The following CAMTA1 variants were observed in gnomAD, a reference collection of about 807,000 sequenced individuals.
CAMTA1 encodes calmodulin binding transcription activator 1.
A neutral mutation model predicts 170.9 loss-of-function variants in CAMTA1; 27 were observed. The observed-to-expected ratio is 0.16, with a 90% confidence interval of 0.12 to 0.22. The LOEUF is 0.22. Ranked by LOEUF, CAMTA1 falls within the 10% of genes least tolerant of loss-of-function variation. CAMTA1 has a pLI of 1.00. For synonymous variants in CAMTA1, 833 were observed against 891.5 expected, an observed-to-expected ratio of 0.93 and a Z score of 1.17; for missense variants, 1,619 against 2,217.2, an observed-to-expected ratio of 0.73 and a Z score of 5.42.
chr1:7,453,440 G>A (rs768835098), intron 5 of CAMTA1, among the ~76,000 whole-genome samples: 1 of 152,224 alleles, frequency 6.6e-6, no homozygotes, highest in Non-Finnish European at 1.5e-5. Flanking sequence ...CACTAATCAG[G>A]AAGGAAATTC....
intron 4 of CAMTA1, among the ~76,000 whole-genome samples, chr1:7,175,817 A>G (rs1349380560): frequency 1.3e-5 from 2 of 152,268 alleles, no homozygotes; most frequent in African/African-American, 4.8e-5. Flanking sequence ...AGGTATTTGC[A>G]GGTCCTGGAC....
chr1:7,102,922 TGA>T (rs1642912646), intron 4 of CAMTA1, among the ~76,000 whole-genome samples: 1 of 152,204 alleles, frequency 6.6e-6, no homozygotes, highest in East Asian at 1.9e-4. Context: ...CTTTACTCGG[TGA>T]ATACCTTCCG....
chr1:7,268,676 GC>G (rs1293414576), intron 5 of CAMTA1, among the ~76,000 whole-genome samples: 2 of 152,298 alleles, frequency 1.3e-5, no homozygotes, highest in East Asian at 3.9e-4. Context: ...TAATGCAAGT[GC>G]CTAACAAAGC....
intron 6 of CAMTA1, among the ~76,000 whole-genome samples, chr1:7,498,352 AGAGT>A (rs1171159233): frequency 1.8e-4 from 26 of 141,836 alleles, no homozygotes; most frequent in Non-Finnish European, 7.5e-5. Flanking sequence ...GAGTGTGTGT[AGAGT>A]GAGTGTGGAT....
In CAMTA1 at chr1:7,392,114, C is replaced by T. The variant is rs1358495733; in HGVS notation, c.439-75716C>T. 2.6e-5 allele frequency among the ~76,000 whole-genome samples: 4 copies of T among 152,224 alleles called. No homozygotes were observed. In the South Asian group the frequency reaches 8.3e-4, roughly 32 times the overall value. ...CCAAAGAGACTACTACTTTGCATTCCCATCAGGAATATATAAGAGTTTTAG... is the reference window on the plus strand; with the variant it reads ...CCAAAGAGACTACTACTTTGCATTCTCATCAGGAATATATAAGAGTTTTAG... On this transcript the variant is annotated intron_variant, in intron 5 of 22. Coordinates refer to ENST00000303635, the MANE Select transcript of CAMTA1 (RefSeq NM_015215.4).
rs1349938509 is a variant in CAMTA1 at position 7,195,065 on chromosome 1, G to A, written c.303-54426G>A. Among the ~76,000 whole-genome samples, 2 of 152,172 alleles carry A rather than the reference G, an allele frequency of 1.3e-5. No individual in the cohort carries two copies. The highest frequency in any genetic ancestry group is 2.9e-5 in the Non-Finnish European group (2 of 68,038). ...TCTGCTGGCTAGGTAGAAGGTTTCTGGTTTAATGGTGAAAACAGCCAAACA... is the reference window on the plus strand; with the variant it reads ...TCTGCTGGCTAGGTAGAAGGTTTCTAGTTTAATGGTGAAAACAGCCAAACA... On this transcript the variant is annotated intron_variant, in intron 4 of 22. Coordinates refer to ENST00000303635, the MANE Select transcript of CAMTA1 (RefSeq NM_015215.4). This position sits in a 1 kb window ranked among gnomAD's most constrained non-coding sequence, Gnocchi z 4.1.
intron 4 of CAMTA1, among the ~76,000 whole-genome samples, chr1:7,107,277 CAT>C (rs1643688125): frequency 7.1e-5 from 1 of 14,044 alleles, no homozygotes; most frequent in Admixed American, 9.5e-4. Context: ...TGTGTGTGTG[CAT>C]GTGTGTGTGT....
At chr1:7,608,701 G>A (rs2095503217) in intron 6 of CAMTA1, among the ~76,000 whole-genome samples, 1 of 152,176 alleles carries the variant, frequency 6.6e-6, no homozygotes, top group Non-Finnish European at 1.5e-5. Flanking sequence ...TTTGATCTGA[G>A]CTCAAGGGTG....
intron 5 of CAMTA1, among the ~76,000 whole-genome samples, chr1:7,365,345 A>G (rs1186552124): frequency 6.6e-6 from 1 of 152,200 alleles, no homozygotes; most frequent in African/African-American, 2.4e-5. Context: ...ATCACATTTT[A>G]TTGTTGAATA....
At position 7,641,011 on chromosome 1, in the gene CAMTA1, C is replaced by A. The variant is rs574200798; in HGVS notation, c.664+458C>A. On this transcript the variant is annotated intron_variant, in intron 7 of 22. Coordinates refer to ENST00000303635, the MANE Select transcript of CAMTA1 (RefSeq NM_015215.4). The surrounding 1 kb of genome is among the most constrained non-coding windows in gnomAD (Gnocchi z 4.5). ...CTCAGGGCCTGCCTCGGCTCCCAGG[C>A]TGGGTGGCAAATAGATGATGGTAAT... Among the ~76,000 whole-genome samples the A allele has an allele frequency of 6.6e-6, 1 of 152,164 alleles. No homozygotes were observed. The highest frequency in any genetic ancestry group is 1.5e-5 in the Non-Finnish European group (1 of 68,034).
chr1:7,448,046 G>A (rs1377868704), intron 5 of CAMTA1, among the ~76,000 whole-genome samples: 1 of 152,242 alleles, frequency 6.6e-6, no homozygotes, highest in Non-Finnish European at 1.5e-5. Context: ...GTCAGCGGGT[G>A]CTCCTCTGCG....
At chr1:6,792,748 T>G (rs536449626) in intron 1 of CAMTA1, among the ~76,000 whole-genome samples, 32 of 152,260 alleles carry the variant, frequency 2.1e-4, no homozygotes, top group Non-Finnish European at 1.9e-4. Context: ...ACTTTCTTGT[T>G]TTTGTTTTTC....
At chr1:7,104,810 A>G (rs971602470) in intron 4 of CAMTA1, among the ~76,000 whole-genome samples, 1 of 152,168 alleles carries the variant, frequency 6.6e-6, no homozygotes, top group South Asian at 2.1e-4. Flanking sequence ...GAAAACTGTT[A>G]TTGATGATGA....
At chr1:7,552,185 C>T (rs547788198) in intron 6 of CAMTA1, among the ~76,000 whole-genome samples, 1 of 95,022 alleles carries the variant, frequency 1.1e-5, no homozygotes, top group Admixed American at 9.4e-5. Context: ...TTCTGAAGGC[C>T]ACCACACCCC....
chr1:7,343,176 T>G (rs1013534179), intron 5 of CAMTA1, among the ~76,000 whole-genome samples: 1 of 152,188 alleles, frequency 6.6e-6, no homozygotes, highest in African/African-American at 2.4e-5. Context: ...GTAATATCTT[T>G]CCGTGTTAAG....
intron 6 of CAMTA1, among the ~76,000 whole-genome samples, chr1:7,504,059 G>A (rs1273531320): frequency 6.6e-6 from 1 of 152,180 alleles, no homozygotes; most frequent in East Asian, 1.9e-4. Flanking sequence ...CCTCAGCCGA[G>A]ACTGGCCATG....
At chr1:7,669,686 C>T (rs1300444478) in intron 9 of CAMTA1, among the ~76,000 whole-genome samples, 5 of 152,246 alleles carry the variant, frequency 3.3e-5, no homozygotes, top group Admixed American at 3.3e-4. Flanking sequence ...GCTCTCCGCC[C>T]CACTGCAGGG....
At chr1:6,802,161 GGA>G (rs1462895998) in intron 1 of CAMTA1, among the ~76,000 whole-genome samples, 2 of 152,304 alleles carry the variant, frequency 1.3e-5, no homozygotes, top group East Asian at 3.9e-4. Context: ...AACTGGATCT[GGA>G]GAGTCTGGAG....
intron 3 of CAMTA1, among the ~76,000 whole-genome samples, chr1:7,051,455 G>A (rs1015698265): frequency 6.6e-6 from 1 of 152,200 alleles, no homozygotes; most frequent in African/African-American, 2.4e-5. Flanking sequence ...TGGGCAGGTG[G>A]GGCTGCACGG....
Sources: allele counts gnomAD v4.1 joint callset (sites outside exome capture counted in the v4.1 genomes callset), GRCh38; gene constraint gnomAD v4.1.1; non-coding constraint Gnocchi (gnomAD v3.1); transcripts MANE v1.5; gene names NCBI Gene and HGNC (gene_info 2026-07-23, HGNC 2026-07-21).